Variants in IVD observed in about 807,000 individuals in gnomAD.
IVD encodes isovaleryl-CoA dehydrogenase, also known as isovaleryl-CoA dehydrogenase, mitochondrial.
Under a neutral mutation model 51.3 loss-of-function variants are expected in IVD, and 31 were observed. The ratio of observed to expected loss-of-function variants is 0.60; its 90% CI spans 0.45 to 0.81. IVD has a LOEUF of 0.81. IVD is among the 40% of genes least tolerant of loss of function. The pLI, the probability that IVD is intolerant of heterozygous loss-of-function variation, is 0.00. For synonymous variants in IVD, 205 were observed against 219.4 expected, an observed-to-expected ratio of 0.93 and a Z score of 0.58; for missense variants, 475 against 552.0, an observed-to-expected ratio of 0.86 and a Z score of 1.40.
chr15:40,418,358 C>T lies in IVD; in HGVS notation c.*95C>T. 2 of 1,600,302 alleles carry T rather than the reference C, an allele frequency of 1.2e-6. No homozygotes were observed. The highest frequency in any genetic ancestry group is 1.7e-6 in the Non-Finnish European group (2 of 1,176,642). ...TCCCACCCTGCCCACAGCAGGCCCT[C>T]CTGCCCAGCTGCTCTTGTCAGCCCT... On this transcript the variant is annotated 3_prime_UTR_variant, in exon 12 of 12. Transcript: ENST00000487418.
chr15:40,433,240 G>A (rs1344093685), intron 7 of IVD, among the ~76,000 whole-genome samples: 1 of 152,056 alleles, frequency 6.6e-6, no homozygotes, highest in Non-Finnish European at 1.5e-5. Context: ...ATGTGATCTT[G>A]GGCAGTTACT....
intron 8 of IVD, chr15:40,433,917 A>AC: frequency 2.2e-6 from 1 of 456,684 alleles, no homozygotes; most frequent in South Asian, 1.5e-5. Context: ...TAATGAAGGT[A>AC]CTATTAGAGA....
intron 1 of IVD, 54 bp from the exon 2 acceptor site, chr15:40,407,582 C>T (rs1462020304): frequency 1.5e-6 from 2 of 1,298,034 alleles, no homozygotes; most frequent in Non-Finnish European, 2.2e-6. Context: ...TTGAATGTGT[C>T]TGGGTAGTGG....
downstream of IVD, among the ~76,000 whole-genome samples, chr15:40,425,728 G>T (rs989256702): frequency 6.6e-6 from 1 of 151,898 alleles, no homozygotes; most frequent in Admixed American, 6.6e-5. Context: ...TCATCATGTC[G>T]CCCAGGCTGG....
At chr15:40,416,839 G>A (rs1891741026) in intron 11 of IVD, among the ~76,000 whole-genome samples, 2 of 152,178 alleles carry the variant, frequency 1.3e-5, no homozygotes, top group Non-Finnish European at 2.9e-5. Flanking sequence ...TAGATGCCAG[G>A]AGTTGCTGCT....
chr15:40,415,171 T>C, intron 8 of IVD, 189 bp downstream of exon 8: 1 of 774,894 alleles, frequency 1.3e-6, no homozygotes. Flanking sequence ...GAAATATCAT[T>C]AAGTAACAGA....
downstream of IVD, among the ~76,000 whole-genome samples, chr15:40,427,128 G>A (rs554119101): frequency 6.6e-6 from 1 of 152,292 alleles, no homozygotes; most frequent in Non-Finnish European, 1.5e-5. Flanking sequence ...GCTCCTCAAA[G>A]GTGGCCAGTG....
chr15:40,415,240 C>G, intron 8 of IVD, 161 bp from the exon 9 acceptor site: 1 of 760,604 alleles, frequency 1.3e-6, no homozygotes, highest in Non-Finnish European at 2.2e-6. Flanking sequence ...TGGGCTGTCA[C>G]GCCCCTGCAC....
In IVD at chr15:40,415,434, C is replaced by T. The variant is rs1324916195; in HGVS notation, c.912C>T (p.Pro304=). ...LMQAVLDHTI[P]YLHVREAFGQ... ...AAGCGGTCCTGGACCACACCATTCC[C>T]TACCTGCACGTGAGGGAAGCCTTTG... Residue 304 remains proline, a synonymous_variant, in exon 9 of 12, where the codon CCC becomes CCT. Coordinates refer to ENST00000487418, the MANE Select transcript of IVD (RefSeq NM_002225.5). 4.3e-6 allele frequency: 7 copies of T among 1,614,212 alleles called. No homozygotes were observed. Among genetic ancestry groups the T allele is most frequent in the Admixed American group, 1.7e-5 (1 of 60,032 alleles).
chr15:40,435,829 AG>A (rs1893235333), downstream of IVD: 3 of 565,916 alleles, frequency 5.3e-6, no homozygotes, highest in Non-Finnish European at 6.7e-6. Flanking sequence ...CTCTCGGCTT[AG>A]CCCCTTCTTG....
intron 11 of IVD, among the ~76,000 whole-genome samples, chr15:40,417,209 A>G (rs1189115018): frequency 6.8e-6 from 1 of 147,862 alleles, no homozygotes; most frequent in African/African-American, 2.5e-5. Flanking sequence ...CGTCTCGGAA[A>G]AAAAAAAAAA....
chr15:40,414,714 G>T, intron 7 of IVD, 175 bp from the exon 8 acceptor site: 1 of 1,131,252 alleles, frequency 8.8e-7, no homozygotes, highest in Non-Finnish European at 1.2e-6. Flanking sequence ...CTCCACTTCT[G>T]ACTGGAAGGG....
At chr15:40,413,266 T>C (rs1595779369) in intron 7 of IVD, 179 bp downstream of exon 7, 1 of 653,772 alleles carries the variant, frequency 1.5e-6, no homozygotes, top group Non-Finnish European at 2.8e-6. Context: ...GCCAGGGCCC[T>C]GCAGCGGCAT....
downstream of IVD, chr15:40,424,523 T>G: frequency 4.4e-6 from 1 of 228,276 alleles, no homozygotes; most frequent in Non-Finnish European, 8.7e-6. Context: ...GGGTCCCCTT[T>G]CTCCTTCTCC....
At chr15:40,413,665 T>G (rs903530552) in intron 7 of IVD, among the ~76,000 whole-genome samples, 4 of 106,708 alleles carry the variant, frequency 3.7e-5, no homozygotes, top group East Asian at 3.3e-4. Context: ...TTGTTTGGGG[T>G]TTTTTTTTGT....
chr15:40,433,586 T>C (rs1460517823), intron 7 of IVD, among the ~76,000 whole-genome samples: 1 of 152,188 alleles, frequency 6.6e-6, no homozygotes, highest in African/African-American at 2.4e-5. Context: ...GGACAAGTGT[T>C]CTGGTAACAG....
At position 40,418,859 on chromosome 15, in the gene IVD, G is replaced by A. The variant is rs115034694; in HGVS notation, c.*596G>A. 5,011 of 790,828 alleles carry A rather than the reference G, an allele frequency of 6.3e-3. 207 individuals carry two copies. The African/African-American group carries it at 0.086, about 14-fold the overall frequency. The allele number at this position is 790,828 out of a possible 1,614,324, so 49.0% of individuals were successfully genotyped here. On this transcript the variant is annotated 3_prime_UTR_variant, in exon 12 of 12. Transcript: ENST00000487418. ...AATAATAAACCTAGCCTAGCCAGGC[G>A]TGGTGGCTCATGCTTGTAATCCCAG...
chr15:40,419,092 T>C lies in IVD; in HGVS notation c.*829T>C. On this transcript the variant is annotated 3_prime_UTR_variant, in exon 12 of 12. Coordinates refer to ENST00000487418, the MANE Select transcript of IVD (RefSeq NM_002225.5). ...CGGACGTTGCAGTGAGCCGAGCTTG[T>C]GCCATTGCACTCCAGCCTGGGCGAC... The C allele has an allele frequency of 1.7e-6, 2 of 1,195,860 alleles. No homozygotes were observed. Among genetic ancestry groups the C allele is most frequent in the Non-Finnish European group, 2.2e-6 (2 of 904,720 alleles). 74.1% of individuals were successfully genotyped at this position (1,195,860 alleles called of 1,614,324 possible). A position where few individuals can be genotyped will look rare whatever the true frequency, so the allele number is the denominator to read the frequency against.
downstream of IVD, among the ~76,000 whole-genome samples, chr15:40,425,106 C>T (rs572916968): frequency 5.1e-4 from 77 of 152,222 alleles, no homozygotes; most frequent in Admixed American, 1.0e-3. Context: ...TAGCTGAGGA[C>T]GAGAATGGGA....
Sources: allele counts gnomAD v4.1 joint callset (sites outside exome capture counted in the v4.1 genomes callset), GRCh38; gene constraint gnomAD v4.1.1; transcripts MANE v1.5; gene names NCBI Gene and HGNC (gene_info 2026-07-23, HGNC 2026-07-21).